FTCDNL1: variants seen among roughly 807,000 people sequenced by gnomAD.
FTCDNL1 encodes the protein formiminotransferase N-terminal subdomain-containing protein.
Under a neutral mutation model 5.9 loss-of-function variants are expected in FTCDNL1, and 11 were observed. That is an observed-to-expected ratio of 1.87 (90% CI 1.18 to 3.10). The LOEUF is 3.10. Ranked by LOEUF, FTCDNL1 falls within the 30% of genes most tolerant of loss-of-function variation. The pLI, the probability that FTCDNL1 is intolerant of heterozygous loss-of-function variation, is 0.00. For synonymous variants in FTCDNL1, 58 were observed against 24.8 expected, an observed-to-expected ratio of 2.34 and a Z score of -3.99; for missense variants, 115 against 65.5, an observed-to-expected ratio of 1.76 and a Z score of -2.61.
intron 3 of FTCDNL1, among the ~76,000 whole-genome samples, chr2:199,794,088 T>C (rs375260851): frequency 4.1e-4 from 62 of 152,344 alleles, no homozygotes; most frequent in African/African-American, 1.1e-3. Flanking sequence ...AATTTCATCA[T>C]TGAAAATACA....
chr2:199,796,418 A>G (rs1700172863), intron 3 of FTCDNL1, among the ~76,000 whole-genome samples: 1 of 152,210 alleles, frequency 6.6e-6, no homozygotes, highest in South Asian at 2.1e-4. Flanking sequence ...ATATTTCTCT[A>G]GCAAACGGTA....
chr2:199,762,035 C>T (rs1299033322), intron 3 of FTCDNL1, among the ~76,000 whole-genome samples: 1 of 152,070 alleles, frequency 6.6e-6, no homozygotes, highest in East Asian at 1.9e-4. Flanking sequence ...TACACTAACA[C>T]TAACGATAGC....
At chr2:199,834,161 T>C (rs1702558303) in intron 3 of FTCDNL1, among the ~76,000 whole-genome samples, 1 of 151,954 alleles carries the variant, frequency 6.6e-6, no homozygotes, top group Non-Finnish European at 1.5e-5. Flanking sequence ...AAGGGGAAAT[T>C]GGGACACAGA....
intron 3 of FTCDNL1, among the ~76,000 whole-genome samples, chr2:199,795,236 A>G (rs911414481): frequency 5.9e-5 from 9 of 152,138 alleles, no homozygotes; most frequent in African/African-American, 2.2e-4. Context: ...GACCTGAGTA[A>G]TCTTGTAATT....
chr2:199,774,591 T>A (rs751726128), intron 3 of FTCDNL1, among the ~76,000 whole-genome samples: 7 of 151,874 alleles, frequency 4.6e-5, no homozygotes, highest in Non-Finnish European at 1.0e-4. Context: ...GCTCAGAGAG[T>A]TCCAGGCAAA....
the FTCDNL1 span, among the ~76,000 whole-genome samples, chr2:199,744,409 GCTCT>G: frequency 2.0e-5 from 3 of 150,350 alleles, no homozygotes; most frequent in South Asian, 2.1e-4. Flanking sequence ...GCTCTCGTGT[GCTCT>G]CTCTCTCTCT....
intron 3 of FTCDNL1, among the ~76,000 whole-genome samples, chr2:199,828,161 CA>C (rs1020907047): frequency 6.6e-6 from 1 of 151,610 alleles, no homozygotes; most frequent in Non-Finnish European, 1.5e-5. Flanking sequence ...GCCTGTGTTT[CA>C]AAAAAAATCT....
At chr2:199,761,703 C>T (rs1463562864) in intron 3 of FTCDNL1, among the ~76,000 whole-genome samples, 1 of 152,184 alleles carries the variant, frequency 6.6e-6, no homozygotes, top group East Asian at 1.9e-4. Context: ...CAAGCCCCAA[C>T]ATCTTCATCC....
intron 3 of FTCDNL1, among the ~76,000 whole-genome samples, chr2:199,776,454 T>C (rs1699075883): frequency 6.6e-6 from 1 of 152,180 alleles, no homozygotes; most frequent in Non-Finnish European, 1.5e-5. Flanking sequence ...CCATGAAAAA[T>C]GGCAGAGATG....
At chr2:199,707,601 G>C in the FTCDNL1 span, among the ~76,000 whole-genome samples, 3 of 151,170 alleles carry the variant, frequency 2.0e-5, no homozygotes, top group African/African-American at 7.3e-5. Flanking sequence ...ATTTGGTAAA[G>C]TTTTCTTTCC....
chr2:199,733,649 G>A, the FTCDNL1 span, among the ~76,000 whole-genome samples: 1 of 152,134 alleles, frequency 6.6e-6, no homozygotes, highest in Non-Finnish European at 1.5e-5. Context: ...CTGAAAGAAT[G>A]CCCTTAGGAC....
chr2:199,728,180 C>A, the FTCDNL1 span, among the ~76,000 whole-genome samples: 2 of 152,132 alleles, frequency 1.3e-5, no homozygotes, highest in African/African-American at 4.8e-5. Flanking sequence ...CACTTACAAT[C>A]TATTAGAAAG....
At chr2:199,759,804 G>A, downstream of FTCDNL1, among the ~76,000 whole-genome samples, 1 of 152,038 alleles carries the variant, frequency 6.6e-6, no homozygotes, top group East Asian at 1.9e-4. Flanking sequence ...AAGTTTTCTA[G>A]GGATCTGAAT....
chr2:199,696,593 A>C, the FTCDNL1 span, among the ~76,000 whole-genome samples: 1 of 152,044 alleles, frequency 6.6e-6, no homozygotes, highest in Admixed American at 6.5e-5. Flanking sequence ...ACTGAATCCA[A>C]CGTATAACAC....
chr2:199,816,824 T>C (rs1258397744), intron 4 of FTCDNL1, among the ~76,000 whole-genome samples: 10 of 152,228 alleles, frequency 6.6e-5, no homozygotes, highest in African/African-American at 1.7e-4. Context: ...ATTTTGGCTG[T>C]AGCACTTGTT....
chr2:199,786,026 T>C (rs541324331), intron 3 of FTCDNL1, among the ~76,000 whole-genome samples: 1 of 152,188 alleles, frequency 6.6e-6, no homozygotes, highest in African/African-American at 2.4e-5. Flanking sequence ...TAGAATCTAA[T>C]GCTGCCACTG....
At chr2:199,669,877 TATA>T in the FTCDNL1 span, among the ~76,000 whole-genome samples, 1 of 152,194 alleles carries the variant, frequency 6.6e-6, no homozygotes, top group Non-Finnish European at 1.5e-5. Context: ...TGGGGAATTT[TATA>T]ATAAAATATA....
chr2:199,746,287 G>C, the FTCDNL1 span, among the ~76,000 whole-genome samples: 3 of 152,154 alleles, frequency 2.0e-5, no homozygotes, highest in Non-Finnish European at 4.4e-5. Context: ...CAGGGCTAGT[G>C]GGGGATGGGT....
At chr2:199,752,692 T>C in the FTCDNL1 span, among the ~76,000 whole-genome samples, 1 of 152,092 alleles carries the variant, frequency 6.6e-6, no homozygotes, top group East Asian at 1.9e-4. Flanking sequence ...TCTGTCTCTG[T>C]GTCTCTCTCT....
Sources: gnomAD v4.1 joint callset for allele counts (sites outside exome capture counted in the v4.1 genomes callset) on GRCh38, gnomAD v4.1.1 for gene constraint, MANE v1.5 for transcripts, NCBI Gene and HGNC (gene_info 2026-07-23, HGNC 2026-07-21) for gene names.